The following LRRFIP1 variants were observed in gnomAD, a reference collection of about 807,000 sequenced individuals.
The protein encoded by LRRFIP1 is leucine-rich repeat flightless-interacting protein 1.
A neutral mutation model predicts 104.4 loss-of-function variants in LRRFIP1; 62 were observed. The observed-to-expected ratio is 0.59, with a 90% CI of 0.48 to 0.73. The LOEUF is 0.73. Ranked by LOEUF, LRRFIP1 falls within the 30% of genes least tolerant of loss-of-function variation. The probability of loss-of-function intolerance (pLI) is 0.00; values close to 1 mark genes in which losing one functional copy is unlikely to be tolerated. For missense variants in LRRFIP1, 796 were observed against 824.5 expected, an observed-to-expected ratio of 0.97 and a Z score of 0.42; for synonymous variants, 300 against 299.0, an observed-to-expected ratio of 1.00 and a Z score of -0.03.
chr2:237,709,666 G>A (rs2093978084), intron 2 of LRRFIP1, among the ~76,000 whole-genome samples: 2 of 152,146 alleles, frequency 1.3e-5, no homozygotes, highest in African/African-American at 4.8e-5. Flanking sequence ...CAGGTCTAAT[G>A]TGCTCATTGC....
chr2:237,713,266 A>G (rs1175927594), intron 2 of LRRFIP1, among the ~76,000 whole-genome samples: 1 of 152,190 alleles, frequency 6.6e-6, no homozygotes, highest in Non-Finnish European at 1.5e-5. Context: ...GGTTCTTTTC[A>G]GCACACAGAC....
intron 8 of LRRFIP1, among the ~76,000 whole-genome samples, chr2:237,730,568 T>C (rs1311063928): frequency 6.6e-6 from 1 of 151,744 alleles, no homozygotes; most frequent in Non-Finnish European, 1.5e-5. Context: ...GATGAGTAGA[T>C]AGAATGGGAG....
intron 13 of LRRFIP1, among the ~76,000 whole-genome samples, chr2:237,750,326 C>CTTTTTTTTTTTTTTTTTTTTTTTT (rs928510240): frequency 1.6e-3 from 95 of 60,642 alleles, no homozygotes; most frequent in Non-Finnish European, 2.2e-3. Context: ...TTCTTTCTTT[C>CTTTTTTTTTTTTTTTTTTTTTTTT]TTTTTTTTTT....
intron 1 of LRRFIP1, among the ~76,000 whole-genome samples, chr2:237,633,677 G>A (rs1189064801): frequency 6.6e-6 from 1 of 152,218 alleles, no homozygotes; most frequent in African/African-American, 2.4e-5. Context: ...CCCATAGTTT[G>A]TTTAAATCCT....
At chr2:237,716,989 CTT>C (rs2094356411) in intron 3 of LRRFIP1, among the ~76,000 whole-genome samples, 1 of 152,012 alleles carries the variant, frequency 6.6e-6, no homozygotes, top group African/African-American at 2.4e-5. Flanking sequence ...ATCGTAAACT[CTT>C]TTAAAACATT....
At chr2:237,672,395 G>A (rs2090491382) in intron 1 of LRRFIP1, among the ~76,000 whole-genome samples, 1 of 152,084 alleles carries the variant, frequency 6.6e-6, no homozygotes, top group African/African-American at 2.4e-5. Flanking sequence ...TTTTCTTAGT[G>A]GCTTTTTAAA....
intron 1 of LRRFIP1, among the ~76,000 whole-genome samples, chr2:237,643,876 A>G (rs1409801853): frequency 6.6e-6 from 1 of 152,236 alleles, no homozygotes; most frequent in Non-Finnish European, 1.5e-5. Context: ...AGGTTTAAGG[A>G]AGCGGGATTT....
At chr2:237,670,819 G>C (rs2090227879) in intron 1 of LRRFIP1, among the ~76,000 whole-genome samples, 1 of 152,156 alleles carries the variant, frequency 6.6e-6, no homozygotes, top group Admixed American at 6.5e-5. Context: ...CTCCCCGTGG[G>C]GCCGTTACGA....
At chr2:237,727,791 C>T (rs2150280993) in intron 7 of LRRFIP1, 85 bp from the exon 8 acceptor site, 2 of 950,882 alleles carry the variant, frequency 2.1e-6, no homozygotes, top group South Asian at 1.4e-5. Context: ...TCACCTTATA[C>T]CTGGCTGGTT....
At chr2:237,764,789 C>G in intron 19 of LRRFIP1, 1 of 985,792 alleles carries the variant, frequency 1.0e-6, no homozygotes, top group Non-Finnish European at 1.2e-6. Flanking sequence ...GATCTTGAAC[C>G]GATACTTTTG....
At chr2:237,732,178 C>T (rs980302690) in intron 8 of LRRFIP1, among the ~76,000 whole-genome samples, 1 of 152,066 alleles carries the variant, frequency 6.6e-6, no homozygotes, top group African/African-American at 2.4e-5. Context: ...TCCTTCTGAC[C>T]CTCGTTCTCT....
chr2:237,714,497 T>A (rs2150099016), intron 3 of LRRFIP1, among the ~76,000 whole-genome samples: 1 of 152,366 alleles, frequency 6.6e-6, no homozygotes, highest in African/African-American at 2.4e-5. Flanking sequence ...TACTGAATGC[T>A]TTTGTCATCT....
chr2:237,655,836 A>G (rs1456636236), intron 1 of LRRFIP1, among the ~76,000 whole-genome samples: 1 of 152,268 alleles, frequency 6.6e-6, no homozygotes, highest in Non-Finnish European at 1.5e-5. Flanking sequence ...ATAATTAAAG[A>G]CAAAACAAGA....
chr2:237,725,740 G>T (rs113141168), intron 7 of LRRFIP1, among the ~76,000 whole-genome samples: 1 of 152,168 alleles, frequency 6.6e-6, no homozygotes, highest in Non-Finnish European at 1.5e-5. Flanking sequence ...CCAGGTTTTC[G>T]TAGAAGGCTG....
intron 11 of LRRFIP1, among the ~76,000 whole-genome samples, chr2:237,747,913 G>GCAAA (rs1016343634): frequency 2.0e-5 from 3 of 151,624 alleles, no homozygotes; most frequent in African/African-American, 7.3e-5. Context: ...ACCCAGTCCT[G>GCAAA]CAAACAAACA....
intron 1 of LRRFIP1, among the ~76,000 whole-genome samples, chr2:237,636,352 C>CTTTTTTTTTTTTTTTTT (rs59582281): frequency 8.0e-6 from 1 of 124,448 alleles, no homozygotes; most frequent in African/African-American, 2.9e-5. Context: ...CCTTTCTTTT[C>CTTTTTTTTTTTTTTTTT]TTTTTTTTTT....
chr2:237,729,022 G>A (rs45499396), intron 8 of LRRFIP1, among the ~76,000 whole-genome samples: 2,054 of 152,178 alleles, frequency 0.013, 25 homozygotes, highest in Middle Eastern at 0.031. Flanking sequence ...TCCTGGGTTC[G>A]AGCGATTCTC....
At position 237,772,177 on chromosome 2, in the gene LRRFIP1, A is replaced by G. The variant is rs774861669; in HGVS notation, c.1606A>G (p.Met536Val). ...TGATGTCTTGGAAAACGGGACAGAC[A>G]TGCATGTAATGGACCTACAAAGTAA... ...EDDVLENGTD[M>V]HVMDLQRDAN... The change falls in exon 21 of 24, where the codon ATG (methionine) becomes GTG (valine). Residue 536 changes from methionine (M) to valine (V), a missense_variant. Transcript: ENST00000308482. 3.1e-6 allele frequency: 5 copies of G among 1,613,338 alleles called. No homozygotes were observed. The highest frequency in any genetic ancestry group is 2.2e-5 in the East Asian group (1 of 44,882).
chr2:237,659,150 G>A (rs1194966920), intron 1 of LRRFIP1, among the ~76,000 whole-genome samples: 1 of 151,986 alleles, frequency 6.6e-6, no homozygotes, highest in Non-Finnish European at 1.5e-5. Flanking sequence ...CTAAAGTGCA[G>A]TGGTGCCATC....
Sources: gnomAD v4.1 joint callset for allele counts (sites outside exome capture counted in the v4.1 genomes callset) on GRCh38, gnomAD v4.1.1 for gene constraint, MANE v1.5 for transcripts, NCBI Gene and HGNC (gene_info 2026-07-23, HGNC 2026-07-21) for gene names.